Variants in CNTNAP2 observed in about 807,000 individuals in gnomAD.
The protein encoded by CNTNAP2 is contactin associated protein 2, also known as contactin-associated protein-like 2.
Under a neutral mutation model 155.2 loss-of-function variants are expected in CNTNAP2, and 98 were observed. That is an observed-to-expected ratio of 0.63 (90% CI 0.54 to 0.75). The LOEUF (loss-of-function observed/expected upper bound fraction) is 0.75, where lower values mean the gene tolerates loss of function less well. CNTNAP2 is among the 30% of genes least tolerant of loss of function. The probability of loss-of-function intolerance (pLI) is 0.00; values close to 1 mark genes in which losing one functional copy is unlikely to be tolerated. For missense variants in CNTNAP2, 1,727 were observed against 1,688.1 expected (o/e 1.02, Z -0.40); for synonymous variants, 651 against 631.2 (o/e 1.03, Z -0.47).
intron 1 of CNTNAP2, among the ~76,000 whole-genome samples, chr7:146,725,214 C>T (rs1204164967): frequency 3.3e-5 from 5 of 152,068 alleles, no homozygotes; most frequent in African/African-American, 7.2e-5. Flanking sequence ...AGGGTCTGCC[C>T]GAATCCAGTA....
At chr7:147,004,222 A>AAAG (rs1193337007) in intron 3 of CNTNAP2, among the ~76,000 whole-genome samples, 1 of 150,752 alleles carries the variant, frequency 6.6e-6, no homozygotes, top group Admixed American at 6.6e-5. Flanking sequence ...CAAAAAAAAA[A>AAAG]AAAAAGAAAA....
At chr7:146,304,619 G>A (rs1170292484) in intron 1 of CNTNAP2, among the ~76,000 whole-genome samples, 1 of 152,102 alleles carries the variant, frequency 6.6e-6, no homozygotes, top group African/African-American at 2.4e-5. Flanking sequence ...CTGGCTTGTA[G>A]AATTTCTGTC....
chr7:146,781,828 T>A (rs1802496074), intron 2 of CNTNAP2, among the ~76,000 whole-genome samples: 1 of 152,160 alleles, frequency 6.6e-6, no homozygotes, highest in Admixed American at 6.5e-5. Flanking sequence ...CACAACTAAT[T>A]AAATCTAGAA....
intron 12 of CNTNAP2, among the ~76,000 whole-genome samples, chr7:147,581,078 G>A (rs984765665): frequency 1.1e-4 from 16 of 152,248 alleles, no homozygotes; most frequent in African/African-American, 3.1e-4. Context: ...ATTACTATTC[G>A]CTTTTATATG....
chr7:146,151,918 A>G (rs1423446256), intron 1 of CNTNAP2, among the ~76,000 whole-genome samples: 1 of 151,232 alleles, frequency 6.6e-6, no homozygotes, highest in Non-Finnish European at 1.5e-5. Flanking sequence ...GCTGTTGGGA[A>G]TGTAAATTAG....
At chr7:147,482,018 T>C (rs1335466634) in intron 10 of CNTNAP2, among the ~76,000 whole-genome samples, 1 of 152,178 alleles carries the variant, frequency 6.6e-6, no homozygotes, top group Non-Finnish European at 1.5e-5. Context: ...TTCTTGGTGG[T>C]GTAACATTCT....
chr7:148,328,644 C>T (rs1797933327), intron 21 of CNTNAP2, among the ~76,000 whole-genome samples: 1 of 152,040 alleles, frequency 6.6e-6, no homozygotes, highest in African/African-American at 2.4e-5. Context: ...TCAAGTGCTC[C>T]AGGCACCTGT....
chr7:148,276,196 A>G (rs997600461), intron 21 of CNTNAP2, among the ~76,000 whole-genome samples: 2 of 152,142 alleles, frequency 1.3e-5, no homozygotes, highest in East Asian at 1.9e-4. Flanking sequence ...ATGATCACCT[A>G]TCTTATTTGG....
chr7:148,014,502 G>T (rs1172162201), intron 15 of CNTNAP2, among the ~76,000 whole-genome samples: 1 of 151,988 alleles, frequency 6.6e-6, no homozygotes, highest in African/African-American at 2.4e-5. Context: ...CATAACTTTG[G>T]CCAATTTTCC....
chr7:146,246,642 A>G lies in CNTNAP2; in HGVS notation c.97+129669A>G, dbSNP rs1033113304. On this transcript the variant is annotated intron_variant, in intron 1 of 23. Coordinates refer to ENST00000361727, the MANE Select transcript of CNTNAP2 (RefSeq NM_014141.6). The stretch of plus-strand genomic sequence containing the variant: ...GCTTCCGAGGCGATCCGACAGCATC[A>G]GTCTTCAGCCGCTAAGCCAAGAAGA... 4.0e-5 allele frequency among the ~76,000 whole-genome samples: 6 copies of G among 151,562 alleles called. No individual in the cohort carries two copies. In the East Asian group the frequency reaches 1.2e-3, roughly 29 times the overall value.
intron 13 of CNTNAP2, among the ~76,000 whole-genome samples, chr7:147,787,897 A>C (rs1797762878): frequency 1.3e-5 from 2 of 152,222 alleles, no homozygotes; most frequent in Admixed American, 1.3e-4. Flanking sequence ...AAAATGTATA[A>C]GATTTTGTAC....
chr7:147,099,318 T>C (rs1055770270), intron 4 of CNTNAP2, among the ~76,000 whole-genome samples: 3 of 152,068 alleles, frequency 2.0e-5, no homozygotes, highest in African/African-American at 7.2e-5. Context: ...TCTCTAGAAA[T>C]TGGCTAACTC....
intron 22 of CNTNAP2, among the ~76,000 whole-genome samples, chr7:148,392,622 G>GGTAGGAGATGGAAAATTCAGAA (rs1353140121): frequency 1.3e-5 from 2 of 152,124 alleles, no homozygotes; most frequent in Non-Finnish European, 2.9e-5. Context: ...CAGGGAAGTG[G>GGTAGGAGATGGAAAATTCAGAA]GTAGGAGATG....
chr7:146,778,584 G>A (rs1373105404), intron 2 of CNTNAP2, among the ~76,000 whole-genome samples: 1 of 152,100 alleles, frequency 6.6e-6, no homozygotes, highest in Non-Finnish European at 1.5e-5. Flanking sequence ...TGAGTTAGTA[G>A]CACTTAGATG....
intron 1 of CNTNAP2, among the ~76,000 whole-genome samples, chr7:146,595,563 T>C (rs1398229905): frequency 6.6e-6 from 1 of 152,058 alleles, no homozygotes; most frequent in African/African-American, 2.4e-5. Context: ...TCTCATAGCC[T>C]CTGGCAGGAG....
At chr7:148,229,864 G>A in intron 20 of CNTNAP2, 85 bp downstream of exon 20, 1 of 1,523,730 alleles carries the variant, frequency 6.6e-7, no homozygotes, top group Non-Finnish European at 9.0e-7. Flanking sequence ...GTTTTGTTTT[G>A]AGGGGATAGA....
intron 15 of CNTNAP2, among the ~76,000 whole-genome samples, chr7:147,996,462 G>C (rs907597901): frequency 2.0e-5 from 3 of 152,218 alleles, no homozygotes; most frequent in Non-Finnish European, 4.4e-5. Flanking sequence ...GGGGCAGACA[G>C]GCCTATGCTG....
rs138415809 is a variant in CNTNAP2, at chr7:148,394,095, A to G, written c.3715+10207A>G. ...TTTTATGGCTTTTGGGTTTTGTGAC[A>G]TACCTTCTCCATTTAGAACTTATTT... On this transcript the variant is annotated intron_variant, in intron 22 of 23. Transcript: ENST00000361727. 1.4e-4 allele frequency among the ~76,000 whole-genome samples: 22 copies of G among 152,050 alleles called. No individual in the cohort carries two copies. In the East Asian group the frequency reaches 3.5e-3, roughly 24 times the overall value.
chr7:147,095,688 A>G (rs961103092), intron 4 of CNTNAP2, among the ~76,000 whole-genome samples: 1 of 151,628 alleles, frequency 6.6e-6, no homozygotes. Context: ...CCTTCATTTT[A>G]TAATCATATA....
Sources: allele counts gnomAD v4.1 joint callset (sites outside exome capture counted in the v4.1 genomes callset), GRCh38; gene constraint gnomAD v4.1.1; transcripts MANE v1.5; gene names NCBI Gene and HGNC (gene_info 2026-07-23, HGNC 2026-07-21).